CELF4: variants seen among roughly 807,000 people sequenced by gnomAD.
The protein encoded by CELF4 is CUGBP Elav-like family member 4.
CELF4 carries 18 observed loss-of-function variants against 59.9 expected under a neutral mutation model. The observed-to-expected ratio is 0.30, with a 90% CI of 0.21 to 0.45. The LOEUF is 0.45. Among genes scored for constraint, CELF4 ranks in the 20% least tolerant of loss-of-function variants. CELF4 has a pLI of 1.00. For missense variants in CELF4, 456 were observed against 689.0 expected, an observed-to-expected ratio of 0.66 and a Z score of 3.79; for synonymous variants, 261 against 267.1, an observed-to-expected ratio of 0.98 and a Z score of 0.22.
intron 1 of CELF4, among the ~76,000 whole-genome samples, chr18:37,564,790 G>T (rs2154606432): frequency 6.6e-6 from 1 of 151,818 alleles, no homozygotes; most frequent in African/African-American, 2.4e-5. Flanking sequence ...AGATTATTGA[G>T]GCACACAGCT....
intron 2 of CELF4, among the ~76,000 whole-genome samples, chr18:37,457,311 C>T (rs1049684797): frequency 5.3e-5 from 8 of 152,154 alleles, no homozygotes; most frequent in African/African-American, 1.9e-4. Flanking sequence ...GCTTCCTCCT[C>T]CTCAGAGTGG....
intron 2 of CELF4, among the ~76,000 whole-genome samples, chr18:37,418,336 C>T (rs2099546125): frequency 6.6e-6 from 1 of 152,166 alleles, no homozygotes; most frequent in Non-Finnish European, 1.5e-5. Flanking sequence ...CCTTGTAAAC[C>T]ACAAGCAGTC....
intron 2 of CELF4, among the ~76,000 whole-genome samples, chr18:37,460,710 A>G (rs2099791086): frequency 6.6e-6 from 1 of 152,248 alleles, no homozygotes; most frequent in Non-Finnish European, 1.5e-5. Context: ...TTAGGCTGCA[A>G]TTATCACAGG....
chr18:37,272,572 GAAAAAAAA>G (rs397692958), intron 7 of CELF4, among the ~76,000 whole-genome samples: 1 of 104,950 alleles, frequency 9.5e-6, no homozygotes, highest in African/African-American at 3.5e-5. Flanking sequence ...AAAGGGAAAT[GAAAAAAAA>G]AAAAAAAAAA....
rs1569569431 is a variant in CELF4 at position 37,443,066 on chromosome 18, GC to G, written c.369+42458del. On this transcript the variant is annotated intron_variant, in intron 2 of 12. Transcript: ENST00000420428. ...AGGGGCAACTTGTTTCCAGTGCGTA[GC>G]TTTTGTCTTCCCAAATGGGAGCTCC... 2.0e-5 allele frequency among the ~76,000 whole-genome samples: 3 copies of G among 152,296 alleles called. No individual in the cohort carries two copies. In the East Asian group the frequency reaches 5.8e-4, roughly 30 times the overall value.
chr18:37,291,055 A>G (rs1304397725), intron 3 of CELF4, among the ~76,000 whole-genome samples: 1 of 152,170 alleles, frequency 6.6e-6, no homozygotes, highest in Non-Finnish European at 1.5e-5. Flanking sequence ...GATTACAGGC[A>G]TGTGCCACGA....
intron 2 of CELF4, among the ~76,000 whole-genome samples, chr18:37,394,233 G>A (rs80352295): frequency 6.6e-6 from 1 of 152,214 alleles, no homozygotes; most frequent in Non-Finnish European, 1.5e-5. Flanking sequence ...GGACAGGCGC[G>A]AGGGGCGGGG....
chr18:37,426,672 G>C (rs989994022), intron 2 of CELF4, among the ~76,000 whole-genome samples: 2 of 152,344 alleles, frequency 1.3e-5, no homozygotes, highest in East Asian at 3.9e-4. Flanking sequence ...GTGCGGTGCG[G>C]GAGGGCTGGG....
chr18:37,521,955 C>T (rs565025865), intron 1 of CELF4, among the ~76,000 whole-genome samples: 1 of 152,330 alleles, frequency 6.6e-6, no homozygotes, highest in South Asian at 2.1e-4. Flanking sequence ...CCACCTCCAC[C>T]GTGCCGGGTT....
At chr18:37,392,378 C>A (rs2099171856) in intron 2 of CELF4, among the ~76,000 whole-genome samples, 1 of 152,206 alleles carries the variant, frequency 6.6e-6, no homozygotes, top group African/African-American at 2.4e-5. Context: ...ACTGTTGAAC[C>A]CTCCATGTTT....
At chr18:37,515,589 C>T (rs1399168126) in intron 1 of CELF4, among the ~76,000 whole-genome samples, 3 of 152,190 alleles carry the variant, frequency 2.0e-5, no homozygotes, top group East Asian at 3.9e-4. Flanking sequence ...GGAGACAGGC[C>T]TCCCTACTCG....
intron 2 of CELF4, among the ~76,000 whole-genome samples, chr18:37,434,384 C>T (rs2099682085): frequency 6.6e-6 from 1 of 152,104 alleles, no homozygotes. Context: ...ATTTGACTTC[C>T]AAGGACCGGA....
chr18:37,452,044 G>A (rs1206490684), intron 2 of CELF4, among the ~76,000 whole-genome samples: 1 of 152,176 alleles, frequency 6.6e-6, no homozygotes, highest in African/African-American at 2.4e-5. Context: ...TCTCTGGGCT[G>A]GCATGTGCTG....
At chr18:37,295,001 G>A (rs569001704) in intron 3 of CELF4, among the ~76,000 whole-genome samples, 1 of 152,346 alleles carries the variant, frequency 6.6e-6, no homozygotes, top group African/African-American at 2.4e-5. Flanking sequence ...TCTCGGGCAG[G>A]AAGACATGCA....
intron 2 of CELF4, among the ~76,000 whole-genome samples, chr18:37,414,204 ATCTAT>A (rs2099503870): frequency 1.2e-5 from 1 of 82,128 alleles, no homozygotes; most frequent in Non-Finnish European, 2.9e-5. Flanking sequence ...CTATCTATCT[ATCTAT>A]CTATCTATCT....
chr18:37,466,456 A>AG (rs1221216816), intron 2 of CELF4, among the ~76,000 whole-genome samples: 1 of 152,114 alleles, frequency 6.6e-6, no homozygotes, highest in Non-Finnish European at 1.5e-5. Context: ...ACCTGGTGTG[A>AG]GGTCTGTACT....
intron 2 of CELF4, among the ~76,000 whole-genome samples, chr18:37,405,720 T>A (rs2099383782): frequency 6.6e-6 from 1 of 152,144 alleles, no homozygotes; most frequent in Non-Finnish European, 1.5e-5. Context: ...AAAGCAGGAG[T>A]CCCCTCTCTA....
At chr18:37,407,951 CA>C (rs1165638785) in intron 2 of CELF4, among the ~76,000 whole-genome samples, 3 of 151,948 alleles carry the variant, frequency 2.0e-5, no homozygotes, top group Admixed American at 6.6e-5. Flanking sequence ...AATATTTTTA[CA>C]TTGATTTTGG....
intron 2 of CELF4, among the ~76,000 whole-genome samples, chr18:37,424,013 C>T (rs1198585012): frequency 2.6e-5 from 4 of 152,172 alleles, no homozygotes; most frequent in African/African-American, 7.2e-5. Flanking sequence ...AGGACTCATG[C>T]TGTCTGGCCT....
Sources: gnomAD v4.1 joint callset for allele counts (sites outside exome capture counted in the v4.1 genomes callset) on GRCh38, gnomAD v4.1.1 for gene constraint, MANE v1.5 for transcripts, NCBI Gene and HGNC (gene_info 2026-07-23, HGNC 2026-07-21) for gene names.